CYRIB: variants seen among roughly 807,000 people sequenced by gnomAD.
The protein encoded by CYRIB is CYFIP-related Rac1 interactor B.
In CYRIB, 8 loss-of-function variants were observed where a neutral mutation model predicts 44.2. The observed-to-expected ratio is 0.18, with a 90% CI of 0.11 to 0.33. CYRIB has a LOEUF of 0.33. CYRIB is among the 10% of genes least tolerant of loss of function. CYRIB has a pLI of 1.00. For synonymous variants in CYRIB, 131 were observed against 127.2 expected, an observed-to-expected ratio of 1.03 and a Z score of -0.20; for missense variants, 185 against 382.8, an observed-to-expected ratio of 0.48 and a Z score of 4.31.
At position 129,907,519 on chromosome 8, in the gene CYRIB, C is replaced by T. The variant is rs187372738; in HGVS notation, c.-49-4169G>A. 5.9e-5 allele frequency among the ~76,000 whole-genome samples: 9 copies of T among 152,088 alleles called. No homozygotes were observed. The East Asian group carries it at 1.4e-3, about 23-fold the overall frequency. Reference sequence around the variant, plus strand: ...ATGACGAGTTAATGGGTGCAGCACACCAACATGGCACATGTATATGTATGT... The same window carrying T: ...ATGACGAGTTAATGGGTGCAGCACATCAACATGGCACATGTATATGTATGT... On this transcript the variant is annotated intron_variant, in intron 1 of 11. Coordinates refer to ENST00000519824, the Ensembl canonical transcript of CYRIB.
chr8:129,977,807 C>T (rs2096018138), intron 1 of CYRIB, among the ~76,000 whole-genome samples: 1 of 152,238 alleles, frequency 6.6e-6, no homozygotes, highest in South Asian at 2.1e-4. Context: ...GCTGGGATTA[C>T]AGGCGTGAGC....
At chr8:129,871,587 C>A in intron 3 of CYRIB, 91 bp from the exon 6 acceptor site, 1 of 1,317,296 alleles carries the variant, frequency 7.6e-7, no homozygotes, top group Non-Finnish European at 1.0e-6. Context: ...CCCAAATTTC[C>A]AAAGATGAGT....
intron 2 of CYRIB, among the ~76,000 whole-genome samples, chr8:129,969,781 C>A (rs2095620538): frequency 6.6e-6 from 1 of 152,144 alleles, no homozygotes; most frequent in African/African-American, 2.4e-5. Context: ...TTTGGTGGCA[C>A]AAGATGCTCA....
At chr8:129,945,755 T>C (rs573978570) in intron 2 of CYRIB, among the ~76,000 whole-genome samples, 6 of 152,246 alleles carry the variant, frequency 3.9e-5, no homozygotes, top group African/African-American at 1.4e-4. Flanking sequence ...GCATTTTTAA[T>C]AGAGACAGGG....
At position 129,957,756 on chromosome 8, in the gene CYRIB, G is replaced by A. The variant is rs186712232; in HGVS notation, c.-243+13187C>T. Among the ~76,000 whole-genome samples, 80 of 152,166 alleles carry A rather than the reference G, an allele frequency of 5.3e-4. No homozygotes were observed. In the Middle Eastern group the frequency reaches 0.01, roughly 19 times the overall value. On this transcript the variant is annotated intron_variant, in intron 2 of 14. Transcript: ENST00000401979. ...CGAAGCAGGTGGATCATGAGGTCAGGAGATCAAGACCATCCTGGCTAACAT... is the reference window on the plus strand; with the variant it reads ...CGAAGCAGGTGGATCATGAGGTCAGAAGATCAAGACCATCCTGGCTAACAT...
intron 4 of CYRIB, among the ~76,000 whole-genome samples, chr8:129,869,585 C>T (rs1457824583): frequency 6.6e-6 from 1 of 152,026 alleles, no homozygotes; most frequent in Non-Finnish European, 1.5e-5. Context: ...TCATTTAAAT[C>T]TTTCACTTCC....
At chr8:129,960,157 C>T (rs143619915) in intron 2 of CYRIB, among the ~76,000 whole-genome samples, 178 of 152,316 alleles carry the variant, frequency 1.2e-3, no homozygotes, top group African/African-American at 3.5e-3. Flanking sequence ...GAATGAAAGA[C>T]TGCACACTTC....
chr8:129,997,424 A>T (rs1261079300), intron 1 of CYRIB, among the ~76,000 whole-genome samples: 1 of 152,232 alleles, frequency 6.6e-6, no homozygotes, highest in Non-Finnish European at 1.5e-5. Context: ...GACCCAAAAA[A>T]GTGTTTAAGA....
chr8:129,870,568 A>G (rs2056746078), intron 4 of CYRIB, among the ~76,000 whole-genome samples: 1 of 152,182 alleles, frequency 6.6e-6, no homozygotes, highest in African/African-American at 2.4e-5. Context: ...ATCAAGGTGG[A>G]TATGGAATGT....
chr8:129,956,830 T>TC (rs1433321058), intron 2 of CYRIB, among the ~76,000 whole-genome samples: 464 of 34,620 alleles, frequency 0.013, 6 homozygotes, highest in Middle Eastern at 0.077. Context: ...CCTCCCTCCC[T>TC]CCCCCCAGCC....
intron 2 of CYRIB, among the ~76,000 whole-genome samples, chr8:129,965,278 G>A (rs2095428406): frequency 6.7e-6 from 1 of 148,650 alleles, no homozygotes; most frequent in African/African-American, 2.5e-5. Context: ...GTGTGTGTGT[G>A]TCCTTCCAGC....
chr8:129,883,112 CAAAAAAAA>C (rs34764499), intron 2 of CYRIB, among the ~76,000 whole-genome samples: 85 of 41,260 alleles, frequency 2.1e-3, no homozygotes, highest in South Asian at 5.2e-3. Context: ...GACTCCCTCT[CAAAAAAAA>C]AAAAAAAAAA....
chr8:129,953,108 T>C (rs894997894), intron 2 of CYRIB, among the ~76,000 whole-genome samples: 4 of 152,144 alleles, frequency 2.6e-5, no homozygotes, highest in Non-Finnish European at 5.9e-5. Context: ...TTGGGGGACA[T>C]AGAGTGTAGG....
Position 129,953,653 on chromosome 8 carries a change from G to A in CYRIB, c.-243+17290C>T, listed in dbSNP as rs184968688. ...GAGAGCACGGAGCCTGGCACAAGGCGGGCACTCAACAAACAGCTGCAGCTG... is the reference window on the plus strand; with the variant it reads ...GAGAGCACGGAGCCTGGCACAAGGCAGGCACTCAACAAACAGCTGCAGCTG... On this transcript the variant is annotated intron_variant, in intron 2 of 14. Coordinates refer to the CYRIB transcript ENST00000401979. Among the ~76,000 whole-genome samples the A allele has an allele frequency of 4.9e-4, 74 of 152,282 alleles. No individual in the cohort carries two copies. The South Asian group carries it at 9.9e-3, about 20-fold the overall frequency.
chr8:129,875,495 G>A (rs1588222764), intron 3 of CYRIB, among the ~76,000 whole-genome samples: 1 of 152,052 alleles, frequency 6.6e-6, no homozygotes, highest in East Asian at 1.9e-4. Context: ...ACAGCCATGA[G>A]CCACTGCACC....
chr8:129,869,056 TAA>T (rs35946610), intron 4 of CYRIB, among the ~76,000 whole-genome samples: 2,413 of 118,988 alleles, frequency 0.02, 81 homozygotes, highest in African/African-American at 0.07. Context: ...GTTCTATATT[TAA>T]AAAAAAAAAA....
At position 129,878,741 on chromosome 8, in the gene CYRIB, T is replaced by C. The variant is rs541575047; in HGVS notation, c.73+648A>G. 7.6e-4 allele frequency among the ~76,000 whole-genome samples: 116 copies of C among 152,270 alleles called. 2 individuals are homozygous for C. The highest frequency in any genetic ancestry group is 2.7e-3 in the African/African-American group (112 of 41,550). On this transcript the variant is annotated intron_variant, in intron 3 of 11. Transcript: ENST00000519824. ...CTGCCACTCTTAGACCATATTACAA[T>C]AGGTCATGCAACATAAAACAAACAG...
intron 1 of CYRIB, among the ~76,000 whole-genome samples, chr8:130,009,259 T>G (rs2097169410): frequency 6.6e-6 from 1 of 150,476 alleles, no homozygotes; most frequent in East Asian, 1.9e-4. Flanking sequence ...TCTGAGGAGT[T>G]CAAAAGCATC....
intron 11 of CYRIB, among the ~76,000 whole-genome samples, chr8:129,845,762 G>C (rs1415751877): frequency 6.6e-6 from 1 of 152,128 alleles, no homozygotes; most frequent in Non-Finnish European, 1.5e-5. Context: ...AAAAAATCAA[G>C]TAATGGGACA....
Sources: allele counts gnomAD v4.1 joint callset (sites outside exome capture counted in the v4.1 genomes callset), GRCh38; gene constraint gnomAD v4.1.1; transcripts MANE v1.5; gene names NCBI Gene and HGNC (gene_info 2026-07-23, HGNC 2026-07-21).